BLVRA: variants seen among roughly 807,000 people sequenced by gnomAD.
The protein encoded by BLVRA is biliverdin reductase A.
In BLVRA, 22 loss-of-function variants were observed where a neutral mutation model predicts 32.8. The ratio of observed to expected loss-of-function variants is 0.67; its 90% CI spans 0.48 to 0.96. The LOEUF (loss-of-function observed/expected upper bound fraction) is 0.96. BLVRA is among the 40% of genes least tolerant of loss of function. The pLI is 0.00. For synonymous variants in BLVRA, 119 were observed against 141.3 expected (o/e 0.84, Z 1.12); for missense variants, 323 against 358.1 (o/e 0.90, Z 0.79).
chr7:43,800,537 G>T lies in BLVRA; in HGVS notation c.425G>T (p.Gly142Val), dbSNP rs1449833986. 6.2e-7 allele frequency: 1 copy of T among 1,614,032 alleles called. No homozygotes were observed. Among genetic ancestry groups the T allele is most frequent in the Non-Finnish European group, 8.5e-7 (1 of 1,179,922 alleles). ...GCTTTCCTGAAAAAAGAAGTGGTGGGGAAAGACCTGCTGAAAGGGTCGCTC... is the reference window on the plus strand; with the variant it reads ...GCTTTCCTGAAAAAAGAAGTGGTGGTGAAAGACCTGCTGAAAGGGTCGCTC... ...EFAFLKKEVV[G>V]KDLLKGSLLF... is the part of the protein sequence containing the mutation. The change falls in exon 6 of 8, where the codon GGG (glycine) becomes GTG (valine). Residue 142 changes from glycine (G) to valine (V), a missense_variant. Gly to Val is a moderately radical substitution (Grantham distance 109). Transcript: ENST00000265523.
At position 43,806,961 on chromosome 7, in the gene BLVRA, T is replaced by C; in HGVS notation, c.633-16T>C. 1.2e-6 allele frequency: 2 copies of C among 1,613,364 alleles called. No individual in the cohort carries two copies. Among genetic ancestry groups the C allele is most frequent in the Non-Finnish European group, 1.7e-6 (2 of 1,179,982 alleles). On this transcript the variant is annotated splice_polypyrimidine_tract_variant and intron_variant, in intron 7 of 7. Transcript: ENST00000265523. ...TGTAATCTCTAACATGATTCTTTTG[T>C]CTTTTGTCTTTGCAGTCCACTGTCA...
chr7:43,803,823 T>G lies in BLVRA; in HGVS notation c.608T>G (p.Val203Gly). 1.2e-6 allele frequency: 2 copies of G among 1,613,964 alleles called. No homozygotes were observed. Among genetic ancestry groups the G allele is most frequent in the Non-Finnish European group, 1.7e-6 (2 of 1,179,962 alleles). The change falls in exon 7 of 8, where the codon GTG (valine) becomes GGG (glycine). Residue 203 changes from valine (V) to glycine (G), a missense_variant. Val to Gly is a moderately radical substitution (Grantham distance 109, BLOSUM62 -3). Transcript: ENST00000265523. ...GAAGATCAGTATATGAAAATGACAG[T>G]GTGTCTGGAGACAGAGAAGAAAAGG... Reference protein sequence around the residue: ...RKEDQYMKMTVCLETEKKSPL... With the variant: ...RKEDQYMKMTGCLETEKKSPL...
intron 7 of BLVRA, among the ~76,000 whole-genome samples, chr7:43,806,588 T>A (rs1401634431): frequency 6.6e-6 from 1 of 150,808 alleles, no homozygotes; most frequent in East Asian, 2.0e-4. Context: ...CTAAAAATAT[T>A]TTTTTAAAAA....
At chr7:43,768,473 G>T (rs149519324) in intron 1 of BLVRA, among the ~76,000 whole-genome samples, 1 of 152,282 alleles carries the variant, frequency 6.6e-6, no homozygotes, top group East Asian at 1.9e-4. Flanking sequence ...CCTTGGCTGT[G>T]AAGCAGGGTG....
At chr7:43,790,066 T>G (rs924451264) in intron 3 of BLVRA, among the ~76,000 whole-genome samples, 2 of 152,150 alleles carry the variant, frequency 1.3e-5, no homozygotes, top group Admixed American at 6.5e-5. Context: ...ATAATACTCT[T>G]TGGGAGCTAA....
At chr7:43,784,920 T>A (rs1023397092) in intron 2 of BLVRA, among the ~76,000 whole-genome samples, 19 of 152,148 alleles carry the variant, frequency 1.2e-4, no homozygotes, top group African/African-American at 3.9e-4. Flanking sequence ...TTCACCCATA[T>A]CTTGTCCCTG....
chr7:43,764,888 C>A (rs1465586741), intron 1 of BLVRA, among the ~76,000 whole-genome samples: 9 of 151,994 alleles, frequency 5.9e-5, no homozygotes, highest in Non-Finnish European at 1.3e-4. Flanking sequence ...GAAACTAAGG[C>A]ACAAGGGACC....
chr7:43,778,513 C>G (rs1312594785), intron 2 of BLVRA, among the ~76,000 whole-genome samples: 1 of 152,202 alleles, frequency 6.6e-6, no homozygotes, highest in Non-Finnish European at 1.5e-5. Flanking sequence ...GATCGGTCCT[C>G]TGGAAGTTTT....
chr7:43,799,761 A>C (rs1163284714), intron 5 of BLVRA, among the ~76,000 whole-genome samples: 1 of 152,044 alleles, frequency 6.6e-6, no homozygotes, highest in Non-Finnish European at 1.5e-5. Flanking sequence ...GGCATGAGCC[A>C]CCAAGCCTGG....
At chr7:43,790,114 G>A (rs893138989) in intron 3 of BLVRA, among the ~76,000 whole-genome samples, 3 of 152,104 alleles carry the variant, frequency 2.0e-5, no homozygotes, top group African/African-American at 7.2e-5. Context: ...CAGCTCAGCT[G>A]GAGCTCTGAG....
intron 7 of BLVRA, 130 bp from the exon 8 acceptor site, chr7:43,806,847 G>T: frequency 1.0e-6 from 1 of 986,970 alleles, no homozygotes; most frequent in Non-Finnish European, 1.6e-6. Flanking sequence ...ACAGCCTCTG[G>T]GAGGCTGGTG....
chr7:43,788,890 C>T (rs539863722), intron 3 of BLVRA, among the ~76,000 whole-genome samples: 4 of 151,756 alleles, frequency 2.6e-5, no homozygotes, highest in African/African-American at 7.3e-5. Context: ...CCTCCTGCCT[C>T]GGCCTCCCAA....
At chr7:43,795,896 G>A (rs1231232945) in intron 5 of BLVRA, among the ~76,000 whole-genome samples, 1 of 151,940 alleles carries the variant, frequency 6.6e-6, no homozygotes, top group Non-Finnish European at 1.5e-5. Flanking sequence ...ACAAGGTCAA[G>A]AGTCCAAGAC....
chr7:43,767,499 C>A, intron 1 of BLVRA: 1 of 1,260,762 alleles, frequency 7.9e-7, no homozygotes, highest in Non-Finnish European at 1.2e-6. Context: ...TTTTATGCTG[C>A]TATTGTTGCC....
At chr7:43,788,094 T>TG (rs2095780448) in intron 3 of BLVRA, 69 bp downstream of exon 3, 3 of 1,612,612 alleles carry the variant, frequency 1.9e-6, no homozygotes, top group Middle Eastern at 1.7e-4. Flanking sequence ...CTGCAGGACA[T>TG]GGAGATTTTC....
In BLVRA at chr7:43,787,972, G is replaced by A; in HGVS notation, c.81G>A (p.Leu27=). 2 of 1,614,186 alleles carry A rather than the reference G, an allele frequency of 1.2e-6. No homozygotes were observed. Among genetic ancestry groups the A allele is most frequent in the East Asian group, 4.5e-5 (2 of 44,884 alleles). Residue 27 remains leucine, a synonymous_variant, in exon 3 of 8, where the codon TTG becomes TTA. Transcript: ENST00000265523. This position sits in a 1 kb window ranked among gnomAD's most constrained non-coding sequence, Gnocchi z 4.5. ...GRAGSVRMRD[L]RNPHPSSAFL... Reference sequence around the variant, plus strand: ...CCGGCTCCGTGCGGATGAGGGACTTGCGGAATCCACACCCTTCCTCAGCGT... The same window carrying A: ...CCGGCTCCGTGCGGATGAGGGACTTACGGAATCCACACCCTTCCTCAGCGT...
In BLVRA at chr7:43,799,568, G is replaced by T. The variant is rs1299614534; in HGVS notation, c.353-897G>T. ...GCTAACTGCAACCTCCACCTCCCAG[G>T]TTCAAGTGATCTTCCCAGCTCAGCC... On this transcript the variant is annotated intron_variant, in intron 5 of 7. Coordinates refer to ENST00000265523, the MANE Select transcript of BLVRA (RefSeq NM_000712.4). 2.0e-5 allele frequency among the ~76,000 whole-genome samples: 3 copies of T among 152,214 alleles called. No individual in the cohort carries two copies. The East Asian group carries it at 5.8e-4, about 29-fold the overall frequency.
At chr7:43,761,439 G>A (rs1323151613) in intron 1 of BLVRA, among the ~76,000 whole-genome samples, 7 of 152,236 alleles carry the variant, frequency 4.6e-5, no homozygotes, top group Non-Finnish European at 7.4e-5. Flanking sequence ...TCTGTGTAGC[G>A]GCTCCCTTAT....
chr7:43,783,441 T>C (rs2095772674), intron 2 of BLVRA, among the ~76,000 whole-genome samples: 1 of 152,240 alleles, frequency 6.6e-6, no homozygotes, highest in African/African-American at 2.4e-5. Context: ...CGATCATCTA[T>C]CTTGGAGACC....
Sources: gnomAD v4.1 joint callset for allele counts (sites outside exome capture counted in the v4.1 genomes callset) on GRCh38, gnomAD v4.1.1 for gene constraint, Gnocchi (gnomAD v3.1) non-coding constraint, MANE v1.5 for transcripts, NCBI Gene and HGNC (gene_info 2026-07-23, HGNC 2026-07-21) for gene names.